The following VWA8 variants were observed in gnomAD, a reference collection of about 807,000 sequenced individuals.
The protein encoded by VWA8 is von Willebrand factor A domain-containing protein 8.
VWA8 carries 221 observed loss-of-function variants against 241.5 expected under a neutral mutation model. The observed-to-expected ratio is 0.91, with a 90% CI of 0.82 to 1.02. VWA8 has a LOEUF of 1.02. VWA8 is among the 50% of genes least tolerant of loss of function. VWA8 has a pLI of 0.00. For missense variants in VWA8, 2,322 were observed against 2,328.7 expected, an observed-to-expected ratio of 1.00 and a Z score of 0.06; for synonymous variants, 852 against 827.1, an observed-to-expected ratio of 1.03 and a Z score of -0.52.
chr13:41,701,273 A>G, intron 28 of VWA8, 119 bp downstream of exon 28: 1 of 1,268,290 alleles, frequency 7.9e-7, no homozygotes. Context: ...TTGCTATCCA[A>G]TCCAAGAATG....
In VWA8 at chr13:41,801,158, T is replaced by C. The variant is rs184038993; in HGVS notation, c.2063+10067A>G. On this transcript the variant is annotated intron_variant, in intron 17 of 44. Coordinates refer to ENST00000379310, the MANE Select transcript of VWA8 (RefSeq NM_015058.2). ...AGTTTTTCAATTTATTTTTATTTAT[T>C]TTTTTAATAAAGGAAATTAAAAGTT... Among the ~76,000 whole-genome samples the C allele has an allele frequency of 2.6e-3, 388 of 151,678 alleles. 1 individual carries two copies. The highest frequency in any genetic ancestry group is 9.0e-3 in the African/African-American group (372 of 41,408).
chr13:41,879,382 TACACACACACACACACACACAC>T (rs3073827), intron 9 of VWA8, among the ~76,000 whole-genome samples: 1 of 140,806 alleles, frequency 7.1e-6, no homozygotes. Flanking sequence ...CATACACACA[TACACACACACACACACACACAC>T]ACACACACAC....
chr13:41,836,067 T>C (rs1229620715), intron 12 of VWA8, among the ~76,000 whole-genome samples: 2 of 152,198 alleles, frequency 1.3e-5, no homozygotes, highest in East Asian at 3.8e-4. Flanking sequence ...TATTAAACAT[T>C]ACATAGATGA....
chr13:41,678,275 T>C (rs1259400507), intron 35 of VWA8, among the ~76,000 whole-genome samples: 1 of 152,188 alleles, frequency 6.6e-6, no homozygotes, highest in Non-Finnish European at 1.5e-5. Context: ...AAAATAGAGT[T>C]ACTATAGTAA....
chr13:41,656,692 A>G (rs2044908528), intron 37 of VWA8, among the ~76,000 whole-genome samples: 1 of 152,184 alleles, frequency 6.6e-6, no homozygotes, highest in South Asian at 2.1e-4. Context: ...TATATTAGGT[A>G]AGGATCATGC....
intron 20 of VWA8, among the ~76,000 whole-genome samples, chr13:41,764,043 T>C (rs996754853): frequency 1.3e-5 from 2 of 152,300 alleles, no homozygotes; most frequent in African/African-American, 2.4e-5. Context: ...CTAAGCTTCA[T>C]TCGATATCCC....
At chr13:41,901,829 G>A (rs1334008633) in intron 4 of VWA8, among the ~76,000 whole-genome samples, 3 of 119,960 alleles carry the variant, frequency 2.5e-5, no homozygotes, top group African/African-American at 9.7e-5. Context: ...TCATGCCACT[G>A]CACTCCAGCC....
chr13:41,896,520 C>T (rs774505699), intron 4 of VWA8, among the ~76,000 whole-genome samples: 1 of 151,884 alleles, frequency 6.6e-6, no homozygotes, highest in African/African-American at 2.4e-5. Flanking sequence ...ATATCTCAAA[C>T]TAAAAGACTG....
At chr13:41,920,183 C>T (rs1465981221) in intron 2 of VWA8, among the ~76,000 whole-genome samples, 1 of 152,178 alleles carries the variant, frequency 6.6e-6, no homozygotes, top group East Asian at 1.9e-4. Context: ...TGTGACATCT[C>T]ATCTCCCAGG....
chr13:41,572,813 A>AG (rs2044317212), intron 43 of VWA8, among the ~76,000 whole-genome samples: 1 of 149,396 alleles, frequency 6.7e-6, no homozygotes, highest in African/African-American at 2.4e-5. Flanking sequence ...AAAAAAAAAA[A>AG]AAAAAAAAGA....
chr13:41,744,541 T>C, intron 21 of VWA8, among the ~76,000 whole-genome samples: 1 of 152,220 alleles, frequency 6.6e-6, no homozygotes, highest in East Asian at 1.9e-4. Context: ...GTTGCCATCA[T>C]CTGAAGATTC....
intron 42 of VWA8, among the ~76,000 whole-genome samples, chr13:41,586,100 T>C (rs957328659): frequency 6.6e-6 from 1 of 151,302 alleles, no homozygotes; most frequent in Non-Finnish European, 1.5e-5. Flanking sequence ...CTATAATCTA[T>C]CTCATACTAG....
intron 2 of VWA8, among the ~76,000 whole-genome samples, chr13:41,936,118 T>C (rs961053400): frequency 6.6e-5 from 10 of 152,176 alleles, no homozygotes; most frequent in African/African-American, 2.4e-4. Flanking sequence ...AATATTACTT[T>C]CTAAAGAAGT....
intron 20 of VWA8, among the ~76,000 whole-genome samples, chr13:41,771,838 T>A (rs1200703164): frequency 6.7e-6 from 1 of 148,550 alleles, no homozygotes; most frequent in East Asian, 2.0e-4. Flanking sequence ...CACCTTGGCC[T>A]CCCAAAATGC....
At position 41,907,615 on chromosome 13, in the gene VWA8, G is replaced by A. The variant is rs201977742; in HGVS notation, c.454C>T (p.Arg152Cys). 1.3e-4 allele frequency: 207 copies of A among 1,614,140 alleles called. No individual in the cohort carries two copies. The highest frequency in any genetic ancestry group is 1.7e-4 in the Non-Finnish European group (196 of 1,179,998). Reference protein sequence around the residue: ...ETDLKQRREIRAGTAFYIDQC... With the variant: ...ETDLKQRREICAGTAFYIDQC... ...TCAATGTAAAAGGCTGTGCCTGCAC[G>A]GATCTCTCGTCGCTGTTTGAGATCA... The change falls in exon 4 of 45, where the codon CGT becomes TGT. Residue 152 changes from arginine (R) to cysteine (C), a missense_variant. Transcript: ENST00000379310.
intron 42 of VWA8, among the ~76,000 whole-genome samples, chr13:41,583,371 C>T (rs371957930): frequency 4.6e-5 from 7 of 152,124 alleles, no homozygotes; most frequent in Admixed American, 2.0e-4. Flanking sequence ...GGGCCAGGTG[C>T]GGTGGCTCAC....
chr13:41,785,965 A>G (rs1375181228), intron 18 of VWA8, among the ~76,000 whole-genome samples: 1 of 152,124 alleles, frequency 6.6e-6, no homozygotes, highest in African/African-American at 2.4e-5. Flanking sequence ...GGACAAGTTT[A>G]TTCACTCATC....
intron 20 of VWA8, among the ~76,000 whole-genome samples, chr13:41,773,590 G>C (rs193258229): frequency 6.6e-6 from 1 of 152,096 alleles, no homozygotes; most frequent in African/African-American, 2.4e-5. Context: ...GTACTCCCTC[G>C]TACCCACCAA....
intron 42 of VWA8, among the ~76,000 whole-genome samples, chr13:41,585,272 G>A (rs949908877): frequency 2.0e-4 from 31 of 152,096 alleles, no homozygotes; most frequent in African/African-American, 5.1e-4. Flanking sequence ...AGCCTGCTGC[G>A]TGACAATCAT....
Sources: allele counts gnomAD v4.1 joint callset (sites outside exome capture counted in the v4.1 genomes callset), GRCh38; gene constraint gnomAD v4.1.1; transcripts MANE v1.5; gene names NCBI Gene and HGNC (gene_info 2026-07-23, HGNC 2026-07-21).